Variants in ANO3 observed in about 807,000 individuals in gnomAD.
ANO3 encodes anoctamin 3, also known as anoctamin-3.
Under a neutral mutation model 144.8 loss-of-function variants are expected in ANO3, and 99 were observed. The observed-to-expected ratio is 0.68, with a 90% CI of 0.58 to 0.81. ANO3 has a LOEUF of 0.81. Ranked by LOEUF, ANO3 falls within the 30% of genes least tolerant of loss-of-function variation. The pLI, the probability that ANO3 is intolerant of heterozygous loss-of-function variation, is 0.00. For missense variants in ANO3, 905 were observed against 1,202.2 expected (o/e 0.75, Z 3.66); for synonymous variants, 414 against 392.6 (o/e 1.05, Z -0.64).
chr11:26,359,786 C>T (rs571055209), intron 1 of ANO3, among the ~76,000 whole-genome samples: 1 of 152,134 alleles, frequency 6.6e-6, no homozygotes, highest in East Asian at 1.9e-4. Flanking sequence ...AGCGGCTAAT[C>T]TCTATTTTCT....
At chr11:26,479,634 GC>G (rs768366085) in intron 4 of ANO3, among the ~76,000 whole-genome samples, 7 of 152,084 alleles carry the variant, frequency 4.6e-5, no homozygotes, top group Non-Finnish European at 1.0e-4. Flanking sequence ...TCTCCACCTG[GC>G]CCTGCCCTTG....
intron 3 of ANO3, among the ~76,000 whole-genome samples, chr11:26,450,230 TG>T (rs1858876216): frequency 6.6e-6 from 1 of 152,132 alleles, no homozygotes; most frequent in Admixed American, 6.5e-5. Flanking sequence ...CTCACTGACT[TG>T]GGTGGATGGG....
intron 4 of ANO3, among the ~76,000 whole-genome samples, chr11:26,472,694 A>C (rs1346211182): frequency 6.6e-6 from 1 of 151,910 alleles, no homozygotes; most frequent in African/African-American, 2.4e-5. Context: ...AATATAATAA[A>C]ATTGAGGCTC....
chr11:26,466,762 T>C (rs1859616974), intron 4 of ANO3, among the ~76,000 whole-genome samples: 1 of 151,910 alleles, frequency 6.6e-6, no homozygotes, highest in South Asian at 2.1e-4. Context: ...AAAGAGTTGT[T>C]TGGGGATGGT....
upstream of ANO3, chr11:26,331,992 G>A: frequency 3.9e-6 from 3 of 776,604 alleles, no homozygotes; most frequent in Non-Finnish European, 1.9e-6. Context: ...AGCCAACCCC[G>A]CTCAACGCCC....
At chr11:26,308,794 A>C (rs562586427), upstream of ANO3, among the ~76,000 whole-genome samples, 1 of 152,214 alleles carries the variant, frequency 6.6e-6, no homozygotes, top group South Asian at 2.1e-4. Context: ...TGGGCAGAAA[A>C]AGTTGTTGAT....
intron 4 of ANO3, among the ~76,000 whole-genome samples, chr11:26,494,022 T>C (rs901602092): frequency 6.6e-6 from 1 of 152,196 alleles, no homozygotes; most frequent in Non-Finnish European, 1.5e-5. Flanking sequence ...TGATGCTCAG[T>C]AACAACTTTT....
intron 1 of ANO3, among the ~76,000 whole-genome samples, chr11:26,223,264 T>C (rs1852186540): frequency 6.6e-6 from 1 of 152,150 alleles, no homozygotes; most frequent in Admixed American, 6.5e-5. Context: ...CTTAAGGACA[T>C]GAACACGGAC....
intron 4 of ANO3, chr11:26,473,814 C>A: frequency 4.3e-6 from 2 of 463,794 alleles, no homozygotes; most frequent in Non-Finnish European, 5.7e-6. Flanking sequence ...TGAAAGCAGC[C>A]CCCTATTCCA....
chr11:26,488,294 CT>C (rs1190949046), intron 4 of ANO3, among the ~76,000 whole-genome samples: 1 of 152,192 alleles, frequency 6.6e-6, no homozygotes, highest in Non-Finnish European at 1.5e-5. Flanking sequence ...GAAATTTAAG[CT>C]GGCTGCAGAA....
chr11:26,208,531 A>C (rs1851865586), intron 1 of ANO3, among the ~76,000 whole-genome samples: 1 of 151,790 alleles, frequency 6.6e-6, no homozygotes. Context: ...AAAAAAAGGA[A>C]TTGCAGGTGG....
intron 1 of ANO3, among the ~76,000 whole-genome samples, chr11:26,238,748 G>A (rs1852588826): frequency 2.0e-5 from 3 of 151,934 alleles, no homozygotes; most frequent in Admixed American, 2.0e-4. Flanking sequence ...AAAATATAGA[G>A]CAGAAGAAAG....
chr11:26,565,089 C>A, intron 14 of ANO3: 1 of 1,385,594 alleles, frequency 7.2e-7, no homozygotes, highest in Non-Finnish European at 9.7e-7. Context: ...CATGGTGATT[C>A]CTTAGACTTA....
intron 1 of ANO3, among the ~76,000 whole-genome samples, chr11:26,267,415 A>C (rs1028380300): frequency 6.6e-6 from 1 of 152,224 alleles, no homozygotes; most frequent in East Asian, 1.9e-4. Flanking sequence ...CCTTCTATAG[A>C]GGATTCATAG....
intron 24 of ANO3, among the ~76,000 whole-genome samples, chr11:26,651,301 G>A (rs1853524289): frequency 6.6e-6 from 1 of 152,110 alleles, no homozygotes; most frequent in Admixed American, 6.6e-5. Context: ...ATTCCGCATT[G>A]CAACTAAACC....
At chr11:26,463,562 T>C (rs1299669954) in intron 4 of ANO3, among the ~76,000 whole-genome samples, 1 of 151,888 alleles carries the variant, frequency 6.6e-6, no homozygotes, top group Non-Finnish European at 1.5e-5. Flanking sequence ...TCATTTGAAA[T>C]ATGCTTCTGG....
At chr11:26,213,783 G>A (rs2133785430) in intron 1 of ANO3, among the ~76,000 whole-genome samples, 1 of 151,798 alleles carries the variant, frequency 6.6e-6, no homozygotes, top group East Asian at 1.9e-4. Context: ...ACTACTTTAA[G>A]TTTTTGACTT....
rs1347658823 is a variant in ANO3 at position 26,656,471 on chromosome 11, TTG to T, written c.2757_2758del (p.Phe920Ter). On this transcript the variant is annotated frameshift_variant, in exon 26 of 27. Coordinates refer to ENST00000256737, the MANE Select transcript of ANO3 (RefSeq NM_031418.4). LOFTEE classifies it high-confidence loss of function. Reference sequence around the variant, plus strand: ...CTTGCTGCTAGATTGGCCTTCATTATTGTGTTTGAGGTTAGTCACAAGCTGAG... The same window carrying T: ...CTTGCTGCTAGATTGGCCTTCATTATTGTTTGAGGTTAGTCACAAGCTGAG... The T allele has an allele frequency of 6.2e-7, 1 of 1,601,820 alleles. No homozygotes were observed. The highest frequency in any genetic ancestry group is 8.6e-7 in the Non-Finnish European group (1 of 1,169,070).
chr11:26,209,489 G>T (rs1228830335), intron 1 of ANO3, among the ~76,000 whole-genome samples: 1 of 152,146 alleles, frequency 6.6e-6, no homozygotes, highest in Non-Finnish European at 1.5e-5. Context: ...AATGATTTAT[G>T]ATCCTTTGGG....
Sources: allele counts gnomAD v4.1 joint callset (sites outside exome capture counted in the v4.1 genomes callset), GRCh38; gene constraint gnomAD v4.1.1; transcripts MANE v1.5; gene names NCBI Gene and HGNC (gene_info 2026-07-23, HGNC 2026-07-21).